Variants in STAMBPL1 observed in about 807,000 individuals in gnomAD.
The protein encoded by STAMBPL1 is AMSH-like protease.
A neutral mutation model predicts 52.9 loss-of-function variants in STAMBPL1; 44 were observed. That is an observed-to-expected ratio of 0.83 (90% confidence interval 0.65 to 1.07). The LOEUF (loss-of-function observed/expected upper bound fraction) is 1.07, where lower values mean the gene tolerates loss of function less well. Among genes scored for constraint, STAMBPL1 ranks in the 50% least tolerant of loss-of-function variants. STAMBPL1 has a pLI of 0.00. For synonymous variants in STAMBPL1, 164 were observed against 177.3 expected (o/e 0.92, Z 0.60); for missense variants, 511 against 520.8 (o/e 0.98, Z 0.18).
intron 6 of STAMBPL1, among the ~76,000 whole-genome samples, 165 bp downstream of exon 6, chr10:88,913,623 TA>T (rs1419426747): frequency 6.6e-6 from 1 of 152,190 alleles, no homozygotes. Context: ...CTCTAGCTTT[TA>T]CTATATATAA....
In STAMBPL1 at chr10:88,912,959, C is replaced by T. The variant is rs930259669; in HGVS notation, c.421-142C>T. On this transcript the variant is annotated intron_variant, in intron 5 of 10. Coordinates refer to ENST00000371926, the MANE Select transcript of STAMBPL1 (RefSeq NM_020799.4). ...TTTTGCCCTGATGTTATGTATTTCT[C>T]TCACTGTTCCATGAGTGTCCCTGTG... 9.5e-6 allele frequency: 7 copies of T among 733,664 alleles called. No homozygotes were observed. The East Asian group carries it at 1.7e-4, about 18-fold the overall frequency. The allele number at this position is 733,664 out of a possible 1,614,324, so 45.4% of individuals were successfully genotyped here.
chr10:88,880,440 G>A lies in STAMBPL1; in HGVS notation c.-252G>A, dbSNP rs1278109359. On this transcript the variant is annotated 5_prime_UTR_variant, in exon 1 of 11. Coordinates refer to ENST00000371926, the MANE Select transcript of STAMBPL1 (RefSeq NM_020799.4). ...AGCTCCATCTGTCGGCAGAGGAGAAGGGGGAGGAGGCACGGCCGAGGCAAA... is the reference window on the plus strand; with the variant it reads ...AGCTCCATCTGTCGGCAGAGGAGAAAGGGGAGGAGGCACGGCCGAGGCAAA... 6.6e-6 allele frequency: 1 copy of A among 152,262 alleles called. No individual in the cohort carries two copies. Among genetic ancestry groups the A allele is most frequent in the African/African-American group, 2.4e-5 (1 of 41,470 alleles). 9.4% of individuals were successfully genotyped at this position (152,262 alleles called of 1,614,324 possible).
intron 1 of STAMBPL1, among the ~76,000 whole-genome samples, chr10:88,884,323 G>A (rs1354326892): frequency 6.6e-6 from 1 of 152,116 alleles, no homozygotes; most frequent in Non-Finnish European, 1.5e-5. Context: ...AGTGAAAAGC[G>A]GGTTTCCTCC....
rs1227598285 is a variant in STAMBPL1 at position 88,893,181 on chromosome 10, ATCTC to A, written c.-53-8470_-53-8467del. 1.2e-4 allele frequency among the ~76,000 whole-genome samples: 18 copies of A among 152,318 alleles called. No homozygotes were observed. In the South Asian group the frequency reaches 3.5e-3, roughly 30 times the overall value. ...AAAAAATATCTGTGTACAAATATGA[ATCTC>A]TCTCCAGCACCTCAAATTCATTTGC... On this transcript the variant is annotated intron_variant, in intron 1 of 10. Transcript: ENST00000371926.
At chr10:88,883,277 A>T (rs1342429396) in intron 1 of STAMBPL1, among the ~76,000 whole-genome samples, 1 of 152,178 alleles carries the variant, frequency 6.6e-6, no homozygotes, top group East Asian at 1.9e-4. Flanking sequence ...ATTGAATCCC[A>T]GTTCATATAA....
rs571047237 is a variant in STAMBPL1 at position 88,920,444 on chromosome 10, G to A, written c.1042-839G>A. Among the ~76,000 whole-genome samples the A allele has an allele frequency of 1.4e-3, 212 of 152,278 alleles. 1 individual carries two copies. The highest frequency in any genetic ancestry group is 3.4e-3 in the Middle Eastern group (1 of 294). On this transcript the variant is annotated intron_variant, in intron 8 of 10. Transcript: ENST00000371926. ...AAATCTTCAGCGTCATATAGCTAGTGAGTAATGGAGTCAGGACCTAGAGAG... is the reference window on the plus strand; with the variant it reads ...AAATCTTCAGCGTCATATAGCTAGTAAGTAATGGAGTCAGGACCTAGAGAG...
chr10:88,920,836 G>GTA (rs1845491488), intron 8 of STAMBPL1, among the ~76,000 whole-genome samples: 1 of 152,098 alleles, frequency 6.6e-6, no homozygotes. Flanking sequence ...TCATAATGTT[G>GTA]TATATATGTA....
At chr10:88,918,571 A>G (rs1443573666) in intron 8 of STAMBPL1, among the ~76,000 whole-genome samples, 2 of 152,178 alleles carry the variant, frequency 1.3e-5, no homozygotes, top group Non-Finnish European at 2.9e-5. Context: ...GAAATTATTT[A>G]TAATGAAGAG....
rs75513180 is a variant in STAMBPL1, at chr10:88,887,631, C to T, written c.-54+6993C>T. On this transcript the variant is annotated intron_variant, in intron 1 of 10. Coordinates refer to ENST00000371926, the MANE Select transcript of STAMBPL1 (RefSeq NM_020799.4). Reference sequence around the variant, plus strand: ...GCAGCCTTGACCTCGTGGGTTCAAGCGATTAGCCTTCTAAGTAGCTGGGAC... The same window carrying T: ...GCAGCCTTGACCTCGTGGGTTCAAGTGATTAGCCTTCTAAGTAGCTGGGAC... Among the ~76,000 whole-genome samples, 746 of 152,242 alleles carry T rather than the reference C, an allele frequency of 4.9e-3. 6 individuals carry two copies. The highest frequency in any genetic ancestry group is 0.017 in the African/African-American group (695 of 41,530).
At chr10:88,891,289 T>G (rs1383883348) in intron 1 of STAMBPL1, among the ~76,000 whole-genome samples, 3 of 152,064 alleles carry the variant, frequency 2.0e-5, no homozygotes, top group Non-Finnish European at 4.4e-5. Context: ...CTAGATACCA[T>G]AAAGAAAATA....
At chr10:88,894,233 C>T (rs1032235840) in intron 1 of STAMBPL1, among the ~76,000 whole-genome samples, 1 of 152,058 alleles carries the variant, frequency 6.6e-6, no homozygotes, top group Non-Finnish European at 1.5e-5. Flanking sequence ...ATGTTCTAAC[C>T]CTGGAGACTG....
At chr10:88,898,773 C>G (rs1014674454) in intron 1 of STAMBPL1, among the ~76,000 whole-genome samples, 1 of 152,134 alleles carries the variant, frequency 6.6e-6, no homozygotes, top group Non-Finnish European at 1.5e-5. Flanking sequence ...TTCTGGTCAC[C>G]CAGCCCTGAA....
chr10:88,898,642 G>T (rs1029073598), intron 1 of STAMBPL1, among the ~76,000 whole-genome samples: 1 of 152,166 alleles, frequency 6.6e-6, no homozygotes, highest in South Asian at 2.1e-4. Context: ...GGAGTGAATA[G>T]TTTTTATCTA....
intron 1 of STAMBPL1, among the ~76,000 whole-genome samples, chr10:88,896,789 C>A (rs1236288069): frequency 6.6e-6 from 1 of 152,036 alleles, no homozygotes; most frequent in East Asian, 1.9e-4. Flanking sequence ...GAAAATATTT[C>A]TCTGTGGATG....
Position 88,905,516 on chromosome 10 carries a change from A to G in STAMBPL1, c.104A>G (p.Lys35Arg), listed in dbSNP as rs777346417. 6.2e-7 allele frequency: 1 copy of G among 1,614,166 alleles called. No homozygotes were observed. Among genetic ancestry groups the G allele is most frequent in the South Asian group, 1.1e-5 (1 of 91,082 alleles). ...SPEERVRALS[K>R]LGCNITISED... ...GAAGAGCGAGTCCGTGCCCTAAGCA[A>G]GCTTGGTTGTAATATCACCATCAGT... The change falls in exon 3 of 11, where the codon AAG (lysine) becomes AGG (arginine). Residue 35 changes from lysine (K) to arginine (R), a missense_variant. Lys to Arg is a conservative substitution (Grantham distance 26). Transcript: ENST00000371926.
intron 1 of STAMBPL1, among the ~76,000 whole-genome samples, chr10:88,893,643 A>G (rs1187148803): frequency 1.3e-5 from 2 of 152,192 alleles, no homozygotes; most frequent in African/African-American, 2.4e-5. Flanking sequence ...TAGGAAGCTG[A>G]AAGAGGAGAA....
chr10:88,890,089 A>T (rs1343741349), intron 1 of STAMBPL1, among the ~76,000 whole-genome samples: 1 of 152,190 alleles, frequency 6.6e-6, no homozygotes, highest in African/African-American at 2.4e-5. Flanking sequence ...CACCAGAAAG[A>T]TGGGTAGAAA....
In STAMBPL1 at chr10:88,923,364, T is replaced by G. The variant is rs1845563336; in HGVS notation, c.*140T>G. The G allele has an allele frequency of 7.2e-7, 1 of 1,393,782 alleles. No individual in the cohort carries two copies. The highest frequency in any genetic ancestry group is 1.5e-5 in the African/African-American group (1 of 67,114). 86.3% of individuals were successfully genotyped at this position (1,393,782 alleles called of 1,614,324 possible). A position where few individuals can be genotyped will look rare whatever the true frequency, so the allele number is the denominator to read the frequency against. On this transcript the variant is annotated 3_prime_UTR_variant, in exon 11 of 11. Coordinates refer to ENST00000371926, the MANE Select transcript of STAMBPL1 (RefSeq NM_020799.4). ...GATGACAAAGCTTGATATTTATTGCTGTTGCACATTTTAAAGTTTTCTTTT... is the reference window on the plus strand; with the variant it reads ...GATGACAAAGCTTGATATTTATTGCGGTTGCACATTTTAAAGTTTTCTTTT...
chr10:88,903,083 C>G (rs1203122117), intron 2 of STAMBPL1, among the ~76,000 whole-genome samples: 2 of 152,146 alleles, frequency 1.3e-5, no homozygotes, highest in Non-Finnish European at 2.9e-5. Context: ...CATTATATAA[C>G]AATAATTAAA....
Sources: allele counts gnomAD v4.1 joint callset (sites outside exome capture counted in the v4.1 genomes callset), GRCh38; gene constraint gnomAD v4.1.1; transcripts MANE v1.5; gene names NCBI Gene and HGNC (gene_info 2026-07-23, HGNC 2026-07-21).